The following DOP1B variants were observed in gnomAD, a reference collection of about 807,000 sequenced individuals.
DOP1B encodes the protein protein DOP1B.
Under a neutral mutation model 233.5 loss-of-function variants are expected in DOP1B, and 174 were observed. The ratio of observed to expected loss-of-function variants is 0.75; its 90% CI spans 0.66 to 0.85. The LOEUF (loss-of-function observed/expected upper bound fraction) is 0.85, where lower values mean the gene tolerates loss of function less well. Ranked by LOEUF, DOP1B falls within the 40% of genes least tolerant of loss-of-function variation. DOP1B has a pLI of 0.00. For synonymous variants in DOP1B, 1,190 were observed against 1,185.6 expected (o/e 1.00, Z -0.08); for missense variants, 2,652 against 2,846.6 (o/e 0.93, Z 1.56).
chr21:36,158,600 C>G (rs57676832), intron 1 of DOP1B, among the ~76,000 whole-genome samples: 12,574 of 151,930 alleles, frequency 0.083, 1,733 homozygotes, highest in African/African-American at 0.28. Context: ...GTCAGGAGAT[C>G]AAGACCATCC....
Position 36,227,895 on chromosome 21 carries a change from C to A in DOP1B, c.1665+18C>A. ...GAACCTCGGTGTGTACTCTGAGGGG[C>A]AGAAATGGTTCTGGGGGCTAAAAGC... is the stretch of plus-strand genomic sequence containing the variant. On this transcript the variant is annotated intron_variant, in intron 13 of 36. Transcript: ENST00000691173. 2 of 1,558,112 alleles carry A rather than the reference C, an allele frequency of 1.3e-6. No homozygotes were observed. The highest frequency in any genetic ancestry group is 1.2e-5 in the South Asian group (1 of 85,000).
intron 2 of DOP1B, chr21:36,169,662 G>T (rs1014313662): frequency 1.1e-4 from 96 of 903,002 alleles, no homozygotes; most frequent in Middle Eastern, 6.5e-4. Context: ...TTCTTCTGGC[G>T]CAGAGGAAGT....
intron 31 of DOP1B, among the ~76,000 whole-genome samples, 163 bp downstream of exon 31, chr21:36,280,509 G>T (rs1490948439): frequency 6.6e-6 from 1 of 152,136 alleles, no homozygotes. Context: ...CTAAATCAAT[G>T]AGTCTTTTCC....
chr21:36,201,668 T>G (rs2066369121), intron 4 of DOP1B, among the ~76,000 whole-genome samples: 1 of 151,826 alleles, frequency 6.6e-6, no homozygotes, highest in Admixed American at 6.6e-5. Flanking sequence ...TCTAAAGTCC[T>G]TCTTCTTTCC....
In DOP1B at chr21:36,208,782, G is replaced by A; in HGVS notation, c.559G>A (p.Gly187Arg). ...AGAGGTGTTTTACACCGCCCTCTGG[G>A]GGAGCGTCCTGGCCAGCCCGTCCAT... ...GKEVFYTALW[G>R]SVLASPSIRL... Residue 187 changes from glycine (G) to arginine (R), a missense_variant, in exon 5 of 37, where the codon GGG becomes AGG. Coordinates refer to ENST00000691173, the MANE Select transcript of DOP1B (RefSeq NM_001320714.2). The A allele has an allele frequency of 6.2e-7, 1 of 1,612,864 alleles. No homozygotes were observed. The highest frequency in any genetic ancestry group is 1.1e-5 in the South Asian group (1 of 90,902).
chr21:36,161,334 T>A (rs1472281771), intron 1 of DOP1B, among the ~76,000 whole-genome samples: 2 of 152,120 alleles, frequency 1.3e-5, no homozygotes, highest in East Asian at 1.9e-4. Flanking sequence ...AGATGGAGTT[T>A]CACCATGTTG....
intron 12 of DOP1B, among the ~76,000 whole-genome samples, chr21:36,227,460 T>C (rs1168309240): frequency 6.6e-6 from 1 of 150,892 alleles, no homozygotes; most frequent in East Asian, 2.0e-4. Context: ...GGCAGGAGAA[T>C]GGCGTGAACC....
chr21:36,210,522 G>A lies in DOP1B; in HGVS notation c.682-1031G>A, dbSNP rs935746149. 3.3e-5 allele frequency among the ~76,000 whole-genome samples: 5 copies of A among 152,154 alleles called. No homozygotes were observed. In the South Asian group the frequency reaches 1.0e-3, roughly 32 times the overall value. The stretch of plus-strand genomic sequence containing the variant: ...GAGCTGGGTGTGGTGATGGGCGCCC[G>A]TAGTCCCAGCTACTCAGGAGGCTGA... On this transcript the variant is annotated intron_variant, in intron 5 of 36. Transcript: ENST00000691173.
In DOP1B at chr21:36,208,725, C is replaced by G. The variant is rs1601412720; in HGVS notation, c.502C>G (p.Leu168Val). 2 of 1,613,370 alleles carry G rather than the reference C, an allele frequency of 1.2e-6. No homozygotes were observed. Among genetic ancestry groups the G allele is most frequent in the East Asian group, 2.2e-5 (1 of 44,718 alleles). Residue 168 changes from leucine (L) to valine (V), a missense_variant, in exon 5 of 37, where the codon CTG (leucine) becomes GTG (valine). Physicochemically the swap from Leu to Val is conservative, Grantham distance 32. Transcript: ENST00000691173. The stretch of plus-strand genomic sequence containing the variant: ...CTCTCTCATCAACAGAACGGATGCT[C>G]TGCTCCTGAGACTGTCGCTGGTGGT... ...GSEISDRTDA[L>V]LLRLSLVVGK...
intron 1 of DOP1B, among the ~76,000 whole-genome samples, chr21:36,161,117 A>G (rs1174617785): frequency 2.1e-5 from 3 of 140,552 alleles, no homozygotes; most frequent in African/African-American, 8.3e-5. Flanking sequence ...GATGGAATTG[A>G]GAGTTTACTG....
At chr21:36,227,544 CA>C (rs11431401) in intron 12 of DOP1B, 141 bp from the exon 13 acceptor site, 573 of 712,338 alleles carry the variant, frequency 8.0e-4, no homozygotes, top group Middle Eastern at 1.7e-3. Context: ...AAGACTCTGT[CA>C]AAAAAAAAGA....
intron 5 of DOP1B, 115 bp from the exon 6 acceptor site, chr21:36,211,438 G>A (rs908879394): frequency 2.2e-6 from 2 of 918,988 alleles, no homozygotes; most frequent in African/African-American, 1.7e-5. Context: ...GTGGCTGCTG[G>A]TTCTCTTCTG....
At chr21:36,223,596 A>T (rs116368406) in intron 11 of DOP1B, among the ~76,000 whole-genome samples, 3,174 of 152,304 alleles carry the variant, frequency 0.021, 79 homozygotes, top group African/African-American at 0.068. Context: ...TTAAAAGTCT[A>T]ACTTTAGAAA....
intron 2 of DOP1B, among the ~76,000 whole-genome samples, chr21:36,198,483 A>G (rs908576112): frequency 4.6e-5 from 7 of 151,920 alleles, no homozygotes; most frequent in Non-Finnish European, 8.8e-5. Context: ...CCCACGCACA[A>G]AGTTCTGCCC....
Position 36,245,319 on chromosome 21 carries a change from A to G in DOP1B, c.3339A>G (p.Ala1113=), listed in dbSNP as rs557597598. 2 of 1,614,128 alleles carry G rather than the reference A, an allele frequency of 1.2e-6. No homozygotes were observed. Among genetic ancestry groups the G allele is most frequent in the African/African-American group, 1.3e-5 (1 of 75,062 alleles). ...ACAGCAGCGAGCACACCGAGTCTGC[A>G]GATACAAGCTCCTGCCACACGGACA... ...APDSSEHTES[A]DTSSCHTDSE... Residue 1113 remains alanine (A), a synonymous_variant, in exon 19 of 37, where the codon GCA becomes GCG. Coordinates refer to ENST00000691173, the MANE Select transcript of DOP1B (RefSeq NM_001320714.2). The surrounding 1 kb of genome is among the most constrained non-coding windows in gnomAD (Gnocchi z 5.5).
intron 27 of DOP1B, among the ~76,000 whole-genome samples, chr21:36,271,278 TTCACCCA>T (rs56987360): frequency 0.018 from 2,661 of 150,804 alleles, 68 homozygotes; most frequent in African/African-American, 0.044. Context: ...CAGGTTGGAG[TTCACCCA>T]GGTTGGAGTT....
intron 12 of DOP1B, among the ~76,000 whole-genome samples, chr21:36,227,401 G>A (rs777957948): frequency 1.3e-5 from 2 of 151,238 alleles, no homozygotes; most frequent in Non-Finnish European, 1.5e-5. Flanking sequence ...CAAAAAATTA[G>A]CCGGGCGTGG....
At chr21:36,237,201 T>A in intron 15 of DOP1B, 61 bp from the exon 16 acceptor site, 2 of 1,606,236 alleles carry the variant, frequency 1.2e-6, no homozygotes, top group Non-Finnish European at 1.7e-6. Context: ...TGAGTGAGGA[T>A]GTGAGCGGAT....
chr21:36,257,868 T>TGTAGGTAGATGTAGTTAGGTAG (rs2067123939), intron 23 of DOP1B, among the ~76,000 whole-genome samples: 6 of 145,008 alleles, frequency 4.1e-5, no homozygotes, highest in Non-Finnish European at 6.0e-5. Flanking sequence ...GAGAGATAGA[T>TGTAGGTAGATGTAGTTAGGTAG]GTAGGTAGAT....
Sources: allele counts gnomAD v4.1 joint callset (sites outside exome capture counted in the v4.1 genomes callset), GRCh38; gene constraint gnomAD v4.1.1; non-coding constraint Gnocchi (gnomAD v3.1); transcripts MANE v1.5; gene names NCBI Gene and HGNC (gene_info 2026-07-23, HGNC 2026-07-21).